The following ADAP2 variants were observed in gnomAD, a reference collection of about 807,000 sequenced individuals.
ADAP2 encodes arf-GAP with dual PH domain-containing protein 2.
A neutral mutation model predicts 54.9 loss-of-function variants in ADAP2; 42 were observed. The ratio of observed to expected loss-of-function variants is 0.77; its 90% CI spans 0.60 to 0.99. ADAP2 has a LOEUF of 0.99. Among genes scored for constraint, ADAP2 ranks in the 50% least tolerant of loss-of-function variants. ADAP2 has a pLI of 0.00. For missense variants in ADAP2, 429 were observed against 480.4 expected (o/e 0.89, Z 1.00); for synonymous variants, 177 against 180.1 (o/e 0.98, Z 0.14).
intron 2 of ADAP2, among the ~76,000 whole-genome samples, chr17:30,923,423 C>A (rs1326361120): frequency 6.6e-6 from 1 of 151,876 alleles, no homozygotes; most frequent in East Asian, 1.9e-4. Context: ...TGCCACCACA[C>A]CCGGCTAATT....
chr17:30,948,429 G>A (rs945918397), intron 6 of ADAP2, among the ~76,000 whole-genome samples: 2 of 150,906 alleles, frequency 1.3e-5, no homozygotes, highest in Non-Finnish European at 3.0e-5. Context: ...AAAATTAGCC[G>A]TGTGGTGGTG....
chr17:30,955,998 G>A (rs1462073257), intron 9 of ADAP2, among the ~76,000 whole-genome samples: 1 of 152,076 alleles, frequency 6.6e-6, no homozygotes, highest in Non-Finnish European at 1.5e-5. Context: ...CCTCTGCCTT[G>A]GCTTCCCAAA....
At position 30,944,933 on chromosome 17, in the gene ADAP2, C is replaced by T; in HGVS notation, c.537C>T (p.Ser179=). Residue 179 remains serine, a synonymous_variant, in exon 6 of 11, where the codon AGC becomes AGT. Transcript: ENST00000330889. ...GTAAAAGCCCCAAAGCTGTCATCAG[C>T]ATTAAGGACTTGAATGCCACCTTCC... The part of the protein sequence containing the change: ...EQGKSPKAVI[S]IKDLNATFQT... 1.2e-6 allele frequency: 2 copies of T among 1,614,126 alleles called. No homozygotes were observed. The highest frequency in any genetic ancestry group is 1.7e-6 in the Non-Finnish European group (2 of 1,180,016).
rs144928062 is a variant in ADAP2 at position 30,935,696 on chromosome 17, C to T, written c.510+1399C>T. Among the ~76,000 whole-genome samples the T allele has an allele frequency of 5.3e-3, 803 of 152,328 alleles. 4 individuals are homozygous for T. Among genetic ancestry groups the T allele is most frequent in the South Asian group, 0.028 (134 of 4,830 alleles). ...AAATCAGAAGCCTGGTTTGCAGTTA[C>T]CAGTCAGCTAGGAGCTTTTTATGCA... On this transcript the variant is annotated intron_variant, in intron 5 of 10. Transcript: ENST00000330889.
At chr17:30,957,785 G>A (rs1337770689) in intron 10 of ADAP2, 50 bp from the exon 11 acceptor site, 13 of 1,598,846 alleles carry the variant, frequency 8.1e-6, no homozygotes, top group South Asian at 3.3e-5. Context: ...TCCTCCACAG[G>A]ACAGCATTGG....
At chr17:30,937,214 G>T (rs182196963) in intron 5 of ADAP2, among the ~76,000 whole-genome samples, 1 of 151,468 alleles carries the variant, frequency 6.6e-6, no homozygotes, top group Non-Finnish European at 1.5e-5. Context: ...GTGAGCCACC[G>T]CGCCCGGCCT....
Position 30,923,020 on chromosome 17 carries a change from A to G in ADAP2, c.175A>G (p.Ser59Gly). ...CGVHRNFPDI[S>G]RVKSVRLDFW... ...CGTCCACCGTAACTTCCCTGACATC[A>G]GCAGAGTTAAATCTGTGCGACTTGA... Residue 59 changes from serine to glycine, a missense_variant, in exon 2 of 11, where the codon AGC (serine) becomes GGC (glycine). By Grantham distance (56) the Ser-to-Gly change is moderately conservative. Transcript: ENST00000330889. The G allele has an allele frequency of 6.2e-7, 1 of 1,614,096 alleles. No homozygotes were observed. The highest frequency in any genetic ancestry group is 1.7e-5 in the Admixed American group (1 of 60,016).
At chr17:30,945,105 G>T (rs772303540) in intron 6 of ADAP2, 52 bp downstream of exon 6, 4 of 1,595,326 alleles carry the variant, frequency 2.5e-6, no homozygotes, top group Non-Finnish European at 3.4e-6. Context: ...CCCAGGACTT[G>T]GCAGGTGCAG....
At chr17:30,923,142 A>T in intron 2 of ADAP2, 72 bp downstream of exon 2, 1 of 1,562,708 alleles carries the variant, frequency 6.4e-7, no homozygotes, top group Non-Finnish European at 8.7e-7. Flanking sequence ...GGGGGCTCCC[A>T]TTCTACAGAG....
chr17:30,944,851 G>T, intron 5 of ADAP2, 56 bp from the exon 6 acceptor site: 1 of 1,575,138 alleles, frequency 6.3e-7, no homozygotes, highest in South Asian at 1.2e-5. Flanking sequence ...GGTGAAGGTT[G>T]ACCAGAAGTC....
chr17:30,924,227 G>A (rs999010836), intron 2 of ADAP2, among the ~76,000 whole-genome samples: 1 of 152,118 alleles, frequency 6.6e-6, no homozygotes, highest in Non-Finnish European at 1.5e-5. Context: ...ACAAAAATTA[G>A]CTGGGTGTGA....
chr17:30,927,679 T>C (rs2142510860), intron 3 of ADAP2, among the ~76,000 whole-genome samples: 1 of 151,316 alleles, frequency 6.6e-6, no homozygotes. Context: ...TCGGGCTGGC[T>C]CTAAACAACT....
rs1910747717 is a variant in ADAP2, at chr17:30,922,939, G to A, written c.95-1G>A. The stretch of plus-strand genomic sequence containing the variant: ...CTCCTCTCCTGCCTCATCCCCTGCA[G>A]ATCCCGACTGGGCCTCTTACAAGCT... On this transcript the variant is annotated splice_acceptor_variant, in intron 1 of 10. Coordinates refer to ENST00000330889, the MANE Select transcript of ADAP2 (RefSeq NM_018404.3). LOFTEE classifies it high-confidence loss of function. 6.2e-7 allele frequency: 1 copy of A among 1,613,546 alleles called. No homozygotes were observed. The highest frequency in any genetic ancestry group is 1.3e-5 in the African/African-American group (1 of 74,940).
chr17:30,926,113 G>C (rs1315622362), intron 2 of ADAP2, among the ~76,000 whole-genome samples: 1 of 152,124 alleles, frequency 6.6e-6, no homozygotes, highest in Non-Finnish European at 1.5e-5. Context: ...TGCTCTGTTG[G>C]GATCCAAAGC....
At chr17:30,946,039 C>G (rs1225453737) in intron 6 of ADAP2, among the ~76,000 whole-genome samples, 1 of 151,198 alleles carries the variant, frequency 6.6e-6, no homozygotes, top group African/African-American at 2.4e-5. Context: ...CCTGTAGTCC[C>G]AGCTACTCAG....
At chr17:30,934,416 CACA>C (rs1473112454) in intron 5 of ADAP2, 119 bp downstream of exon 5, 3 of 674,380 alleles carry the variant, frequency 4.4e-6, no homozygotes, top group Non-Finnish European at 4.9e-6. Flanking sequence ...GAGAGTTAGG[CACA>C]ACATTTGGCT....
intron 4 of ADAP2, among the ~76,000 whole-genome samples, chr17:30,932,976 G>A (rs898316621): frequency 3.9e-5 from 6 of 152,144 alleles, no homozygotes; most frequent in Non-Finnish European, 7.4e-5. Flanking sequence ...TCAAGACTTG[G>A]TGAGGAGGAT....
chr17:30,922,374 C>G (rs1025462732), intron 1 of ADAP2, among the ~76,000 whole-genome samples: 1 of 152,178 alleles, frequency 6.6e-6, no homozygotes, highest in Non-Finnish European at 1.5e-5. Context: ...TGCTTGGACC[C>G]GGACACGAGA....
Position 30,958,561 on chromosome 17 carries a change from T to C in ADAP2, c.*692T>C, listed in dbSNP as rs1052558456. 1.3e-5 allele frequency: 2 copies of C among 152,306 alleles called. No homozygotes were observed. Among genetic ancestry groups the C allele is most frequent in the South Asian group, 2.1e-4 (1 of 4,840 alleles). 9.4% of individuals were successfully genotyped at this position (152,306 alleles called of 1,614,324 possible). A position where few individuals can be genotyped will look rare whatever the true frequency, so the allele number is the denominator to read the frequency against. On this transcript the variant is annotated 3_prime_UTR_variant, in exon 11 of 11. Transcript: ENST00000330889. ...ACTGGATGTTCTCTCTTTGCTTCAA[T>C]GGAGACCCAAGGAGCTGGGAGGTCT...
Sources: gnomAD v4.1 joint callset for allele counts (sites outside exome capture counted in the v4.1 genomes callset) on GRCh38, gnomAD v4.1.1 for gene constraint, MANE v1.5 for transcripts, NCBI Gene and HGNC (gene_info 2026-07-23, HGNC 2026-07-21) for gene names.